NEK1: variants seen among roughly 807,000 people sequenced by gnomAD.
The protein encoded by NEK1 is NIMA related kinase 1.
Under a neutral mutation model 182.1 loss-of-function variants are expected in NEK1, and 137 were observed. The ratio of observed to expected loss-of-function variants is 0.75; its 90% confidence interval spans 0.65 to 0.87. The LOEUF (loss-of-function observed/expected upper bound fraction) is 0.87. NEK1 is among the 40% of genes least tolerant of loss of function. NEK1 has a pLI of 0.00. For synonymous variants in NEK1, 513 were observed against 492.2 expected (o/e 1.04, Z -0.56); for missense variants, 1,391 against 1,494.4 (o/e 0.93, Z 1.14).
intron 29 of NEK1, among the ~76,000 whole-genome samples, chr4:169,430,339 C>T (rs572016418): frequency 6.6e-6 from 1 of 152,246 alleles, no homozygotes; most frequent in South Asian, 2.1e-4. Context: ...CACACAACCA[C>T]ACCTGGCTAA....
At chr4:169,564,988 A>T (rs536195993) in intron 12 of NEK1, among the ~76,000 whole-genome samples, 1 of 152,286 alleles carries the variant, frequency 6.6e-6, no homozygotes, top group Non-Finnish European at 1.5e-5. Flanking sequence ...TTACTCTCTG[A>T]CAAAATAACC....
chr4:169,568,364 A>C (rs1285127790), intron 12 of NEK1, among the ~76,000 whole-genome samples: 1 of 152,228 alleles, frequency 6.6e-6, no homozygotes, highest in Admixed American at 6.5e-5. Context: ...ATGGTCCATG[A>C]AATAAATTTA....
At chr4:169,400,101 A>T in intron 35 of NEK1, 124 bp downstream of exon 35, 1 of 950,750 alleles carries the variant, frequency 1.1e-6, no homozygotes, top group African/African-American at 1.6e-5. Context: ...TTATTGCTTA[A>T]AAGTTATATA....
intron 30 of NEK1, 38 bp from the exon 31 acceptor site, chr4:169,424,838 C>A: frequency 1.3e-6 from 2 of 1,544,098 alleles, no homozygotes; most frequent in Non-Finnish European, 8.8e-7. Flanking sequence ...TAAGTCTATA[C>A]AGTACTTAAA....
chr4:169,480,691 T>C (rs748453508), intron 23 of NEK1, among the ~76,000 whole-genome samples: 1 of 152,122 alleles, frequency 6.6e-6, no homozygotes, highest in Non-Finnish European at 1.5e-5. Flanking sequence ...GTTTGCTGCA[T>C]CCATTGACTC....
rs768772214 is a variant in NEK1 at position 169,577,091 on chromosome 4, G to A, written c.869-12C>T. 2 of 1,612,760 alleles carry A rather than the reference G, an allele frequency of 1.2e-6. No homozygotes were observed. The highest frequency in any genetic ancestry group is 2.2e-5 in the South Asian group (2 of 90,844). On this transcript the variant is annotated splice_polypyrimidine_tract_variant and intron_variant, in intron 11 of 35. Transcript: ENST00000507142. ...AGCTGGTCTTTTAGCTAGATGAAAA[G>A]ATACAAAGAATTTTGTCTGCAGTTC...
intron 23 of NEK1, among the ~76,000 whole-genome samples, chr4:169,484,356 A>G (rs906842017): frequency 2.6e-5 from 4 of 152,182 alleles, no homozygotes; most frequent in African/African-American, 9.6e-5. Context: ...TGCTATTTCG[A>G]TACATCAATC....
chr4:169,525,777 GT>G (rs1485649212), intron 19 of NEK1, among the ~76,000 whole-genome samples: 1 of 152,124 alleles, frequency 6.6e-6, no homozygotes, highest in Non-Finnish European at 1.5e-5. Context: ...TTATCTACAA[GT>G]TTTACCTAAA....
intron 5 of NEK1, among the ~76,000 whole-genome samples, chr4:169,594,676 G>GA (rs1464760540): frequency 4.6e-5 from 7 of 151,922 alleles, no homozygotes; most frequent in Non-Finnish European, 1.0e-4. Flanking sequence ...CTATTTGTTA[G>GA]AAAAAAAATT....
chr4:169,555,263 C>T (rs529525527), intron 18 of NEK1: 1 of 175,508 alleles, frequency 5.7e-6, no homozygotes, highest in Admixed American at 5.7e-5. Context: ...AACAGGATCA[C>T]AAAGAGTTAT....
chr4:169,449,582 T>A (rs1741307809), intron 27 of NEK1, among the ~76,000 whole-genome samples: 2 of 152,142 alleles, frequency 1.3e-5, no homozygotes, highest in South Asian at 4.1e-4. Flanking sequence ...GATCTGCAGC[T>A]GAGGGACCTG....
At chr4:169,570,184 A>G (rs1363739459) in intron 12 of NEK1, among the ~76,000 whole-genome samples, 1 of 140,850 alleles carries the variant, frequency 7.1e-6, no homozygotes, top group Non-Finnish European at 1.5e-5. Context: ...CCCGGCTGCG[A>G]CCCCGTCTGG....
At chr4:169,548,627 T>C (rs1760919944) in intron 18 of NEK1, among the ~76,000 whole-genome samples, 1 of 152,338 alleles carries the variant, frequency 6.6e-6, no homozygotes, top group East Asian at 1.9e-4. Context: ...TATAAGACCC[T>C]GACTGGGGCT....
chr4:169,462,562 G>C (rs771988464), intron 27 of NEK1, among the ~76,000 whole-genome samples: 4 of 151,960 alleles, frequency 2.6e-5, no homozygotes, highest in Non-Finnish European at 5.9e-5. Flanking sequence ...TTTTCCACCA[G>C]CTCTGGATAT....
At chr4:169,412,101 CTAG>C (rs1422659573) in intron 31 of NEK1, among the ~76,000 whole-genome samples, 7 of 152,194 alleles carry the variant, frequency 4.6e-5, no homozygotes, top group Non-Finnish European at 8.8e-5. Context: ...ACTGTTAACT[CTAG>C]CATTTAGAGT....
chr4:169,433,433 G>T (rs1737799298), intron 29 of NEK1, 112 bp downstream of exon 29: 2 of 964,024 alleles, frequency 2.1e-6, no homozygotes, highest in Non-Finnish European at 3.1e-6. Context: ...CCTTTTATAA[G>T]GTATTACAAT....
chr4:169,555,837 C>T lies in NEK1; in HGVS notation c.1445G>A (p.Gly482Glu). Residue 482 changes from glycine to glutamate, a missense_variant, in exon 18 of 36, where the codon GGA becomes GAA. Around this residue, in one of 5 missense-constraint regions of NEK1, gnomAD observed 1,216 missense variants for 1,277.6 expected, o/e 0.95. Coordinates refer to ENST00000507142, the MANE Select transcript of NEK1 (RefSeq NM_001199397.3). ...RGLPERGILP[G>E]VRPGFPYGAA... Reference sequence around the variant, plus strand: ...CCCATAAGGAAATCCTGGACGAACTCCAGGCAGAATTCCTCTGTAGATAAA... The same window carrying T: ...CCCATAAGGAAATCCTGGACGAACTTCAGGCAGAATTCCTCTGTAGATAAA... 6.2e-7 allele frequency: 1 copy of T among 1,613,914 alleles called. No individual in the cohort carries two copies. The highest frequency in any genetic ancestry group is 8.5e-7 in the Non-Finnish European group (1 of 1,179,834).
intron 12 of NEK1, among the ~76,000 whole-genome samples, chr4:169,563,321 A>T (rs1158366567): frequency 6.6e-6 from 1 of 151,968 alleles, no homozygotes; most frequent in Non-Finnish European, 1.5e-5. Context: ...TGATCACATC[A>T]CTATACTCCA....
intron 12 of NEK1, among the ~76,000 whole-genome samples, chr4:169,575,834 T>C (rs542917413): frequency 3.9e-5 from 6 of 152,192 alleles, no homozygotes; most frequent in Non-Finnish European, 7.4e-5. Context: ...TTTAAAAATT[T>C]GTGTCTTCTT....
Sources: allele counts gnomAD v4.1 joint callset (sites outside exome capture counted in the v4.1 genomes callset), GRCh38; gene constraint gnomAD v4.1.1; regional missense constraint gnomAD v4.1.1; transcripts MANE v1.5; gene names NCBI Gene and HGNC (gene_info 2026-07-23, HGNC 2026-07-21).